ADAMTS13: variants seen among roughly 807,000 people sequenced by gnomAD.
ADAMTS13 encodes ADAM metallopeptidase with thrombospondin type 1 motif 13.
ADAMTS13 carries 110 observed loss-of-function variants against 155.1 expected under a neutral mutation model. The ratio of observed to expected loss-of-function variants is 0.71; its 90% CI spans 0.61 to 0.83. The LOEUF is 0.83. Among genes scored for constraint, ADAMTS13 ranks in the 40% least tolerant of loss-of-function variants. The pLI, the probability that ADAMTS13 is intolerant of heterozygous loss-of-function variation, is 0.00. For synonymous variants in ADAMTS13, 758 were observed against 756.4 expected (o/e 1.00, Z -0.03); for missense variants, 1,707 against 1,891.7 (o/e 0.90, Z 1.81).
chr9:133,436,951 C>T lies in ADAMTS13; in HGVS notation c.1431C>T (p.Ser477=). ...FYHWGAAVPH[S]QGDALCRHMC... Reference sequence around the variant, plus strand: ...ACTGGGGTGCTGCTGTACCACACAGCCAAGGTGGGGCCTGCGGAGTGTGGG... The same window carrying T: ...ACTGGGGTGCTGCTGTACCACACAGTCAAGGTGGGGCCTGCGGAGTGTGGG... Residue 477 remains serine, a synonymous_variant, in exon 12 of 29, where the codon AGC becomes AGT. Transcript: ENST00000355699. 6.3e-7 allele frequency: 1 copy of T among 1,597,246 alleles called. No individual in the cohort carries two copies. The highest frequency in any genetic ancestry group is 8.5e-7 in the Non-Finnish European group (1 of 1,173,494).
upstream of ADAMTS13, chr9:133,418,061 G>T: frequency 1.8e-6 from 1 of 559,366 alleles, no homozygotes; most frequent in Non-Finnish European, 3.1e-6. Context: ...CTCCACAACC[G>T]GCTGGAAACC....
chr9:133,450,439 A>C (rs1393983822), intron 23 of ADAMTS13, among the ~76,000 whole-genome samples: 2 of 152,030 alleles, frequency 1.3e-5, no homozygotes, highest in Non-Finnish European at 2.9e-5. Context: ...GTGGTGGTAC[A>C]TGCCTGTAAT....
At chr9:133,442,085 A>G (rs956779797) in intron 16 of ADAMTS13, among the ~76,000 whole-genome samples, 9 of 152,100 alleles carry the variant, frequency 5.9e-5, no homozygotes, top group African/African-American at 2.2e-4. Flanking sequence ...AGCCTGGTAC[A>G]GGTCAGTGTT....
rs281875308 is a variant in ADAMTS13, at chr9:133,458,023, C to G, written c.3838C>G (p.Arg1280Gly). ...RLFINVAPHA[R>G]IAIHALATNM... is the part of the protein sequence containing the mutation. ...CTTCATTAATGTGGCTCCGCACGCA[C>G]GGATTGCCATCCATGCCCTGGCCAC... The change falls in exon 28 of 29, where the codon CGG becomes GGG. Residue 1280 changes from arginine to glycine, a missense_variant. This residue lies in a region of ADAMTS13 where 961 missense variants were observed against 1,107.9 expected (regional missense o/e 0.87). Coordinates refer to ENST00000355699, the MANE Select transcript of ADAMTS13 (RefSeq NM_139027.6). 1 of 1,613,456 alleles carries G rather than the reference C, an allele frequency of 6.2e-7. No homozygotes were observed. Among genetic ancestry groups the G allele is most frequent in the Admixed American group, 1.7e-5 (1 of 60,026 alleles).
In ADAMTS13 at chr9:133,442,336, G is replaced by C. The variant is rs1841732692; in HGVS notation, c.1969-63G>C. The stretch of plus-strand genomic sequence containing the variant: ...AGAAGTTGGAAGGCTTCCCAGGGGA[G>C]GTGGCCATGACAGTGACCCTCAGGG... On this transcript the variant is annotated intron_variant, in intron 16 of 28. Transcript: ENST00000355699. 3 of 1,611,816 alleles carry C rather than the reference G, an allele frequency of 1.9e-6. No individual in the cohort carries two copies. The South Asian group carries it at 3.3e-5, about 18-fold the overall frequency.
chr9:133,423,073 GC>G, intron 1 of ADAMTS13, 27 bp from the exon 2 acceptor site: 1 of 1,608,954 alleles, frequency 6.2e-7, no homozygotes, highest in Non-Finnish European at 8.5e-7. Context: ...ACTATGCCCG[GC>G]CCCATCCATC....
rs1554795404 is a variant in ADAMTS13 at position 133,455,308 on chromosome 9, C to T, written c.3273C>T (p.Gly1091=). ...WMECSVSCGD[G]IQRRRDTCLG... is the part of the protein sequence containing the mutation. ...AGTGCTCTGTTTCCTGTGGGGATGG[C>T]ATCCAGCGCCGGCGTGACACCTGCC... Residue 1091 remains glycine, a synonymous_variant, in exon 25 of 29, where the codon GGC becomes GGT. Transcript: ENST00000355699. 6.2e-7 allele frequency: 1 copy of T among 1,604,066 alleles called. No individual in the cohort carries two copies. The highest frequency in any genetic ancestry group is 1.7e-5 in the Admixed American group (1 of 60,028).
At chr9:133,453,460 A>G (rs1842562659) in intron 23 of ADAMTS13, among the ~76,000 whole-genome samples, 1 of 152,122 alleles carries the variant, frequency 6.6e-6, no homozygotes, top group Admixed American at 6.5e-5. Context: ...AGCCTGGGCG[A>G]TGAGTGAGAC....
At position 133,433,664 on chromosome 9, in the gene ADAMTS13, G is replaced by T; in HGVS notation, c.1268G>T (p.Cys423Phe). Residue 423 changes from cysteine to phenylalanine, a missense_variant, in exon 11 of 29, where the codon TGT (cysteine) becomes TTT (phenylalanine). Physicochemically the swap from Cys to Phe is radical, Grantham distance 205. Transcript: ENST00000355699. ...AGACCTGCCTTTGGGGGGCGTGCAT[G>T]TGTTGGTGCTGACCTCCAGGCCGAG... ...NPRPAFGGRA[C>F]VGADLQAEMC... is the part of the protein sequence containing the mutation. 1 of 1,614,004 alleles carries T rather than the reference G, an allele frequency of 6.2e-7. No individual in the cohort carries two copies. The highest frequency in any genetic ancestry group is 8.5e-7 in the Non-Finnish European group (1 of 1,180,006).
At chr9:133,426,131 C>G in intron 5 of ADAMTS13, 68 bp from the exon 6 acceptor site, 1 of 1,613,984 alleles carries the variant, frequency 6.2e-7, no homozygotes, top group East Asian at 2.2e-5. Flanking sequence ...CTCCTGCCCT[C>G]TGCAAAGGTG....
chr9:133,418,150 C>T (rs1026825652), upstream of ADAMTS13: 33 of 424,228 alleles, frequency 7.8e-5, no homozygotes, highest in Non-Finnish European at 1.7e-5. Context: ...CCAGCGGCAT[C>T]CGGGGTCATC....
chr9:133,451,747 C>T (rs950554692), intron 23 of ADAMTS13, among the ~76,000 whole-genome samples: 11 of 151,792 alleles, frequency 7.2e-5, no homozygotes, highest in South Asian at 2.1e-4. Context: ...AAAAATTAGC[C>T]GGGCATGGTG....
chr9:133,422,211 G>C (rs913267543), upstream of ADAMTS13: 19 of 600,288 alleles, frequency 3.2e-5, no homozygotes, highest in Non-Finnish European at 5.4e-5. Flanking sequence ...CTGGGCTGCA[G>C]GTTACCCTGA....
chr9:133,451,817 G>C (rs1554794407), intron 23 of ADAMTS13, among the ~76,000 whole-genome samples: 1 of 150,030 alleles, frequency 6.7e-6, no homozygotes, highest in East Asian at 2.0e-4. Context: ...CCTGAACCTT[G>C]GGAAGTCAAG....
intron 28 of ADAMTS13, among the ~76,000 whole-genome samples, chr9:133,458,667 G>A (rs914773750): frequency 6.6e-6 from 1 of 151,506 alleles, no homozygotes; most frequent in Non-Finnish European, 1.5e-5. Flanking sequence ...GATATAACTT[G>A]GACAGAATAG....
At chr9:133,428,918 C>A (rs1248239907) in intron 7 of ADAMTS13, 147 bp downstream of exon 7, 2 of 989,010 alleles carry the variant, frequency 2.0e-6, no homozygotes, top group Non-Finnish European at 1.3e-6. Context: ...TCCGTCCAAC[C>A]CCGCGCCCAC....
intron 1 of ADAMTS13, 47 bp downstream of exon 1, chr9:133,422,595 G>C: frequency 6.2e-7 from 1 of 1,601,352 alleles, no homozygotes; most frequent in Non-Finnish European, 8.5e-7. Context: ...CCTCTGGGTG[G>C]GGTATTCTGA....
At position 133,440,239 on chromosome 9, in the gene ADAMTS13, C is replaced by T; in HGVS notation, c.1787-105C>T. 1 of 1,463,360 alleles carries T rather than the reference C, an allele frequency of 6.8e-7. No homozygotes were observed. The highest frequency in any genetic ancestry group is 9.5e-7 in the Non-Finnish European group (1 of 1,055,772). 90.6% of individuals were successfully genotyped at this position (1,463,360 alleles called of 1,614,324 possible). On this transcript the variant is annotated intron_variant, in intron 15 of 28. Transcript: ENST00000355699. The surrounding 1 kb of genome is among the most constrained non-coding windows in gnomAD (Gnocchi z 4.3). ...CCTCTAGCTCAGATGCCTGTGGCTC[C>T]TTAGAGGAGGGCTGGGGACCCCGGG...
At chr9:133,451,936 C>T (rs957357997) in intron 23 of ADAMTS13, among the ~76,000 whole-genome samples, 6 of 145,632 alleles carry the variant, frequency 4.1e-5, no homozygotes, top group East Asian at 2.0e-4. Flanking sequence ...TAAATTTAAA[C>T]CCTGTACTAA....
Sources: allele counts gnomAD v4.1 joint callset (sites outside exome capture counted in the v4.1 genomes callset), GRCh38; gene constraint gnomAD v4.1.1; regional missense constraint gnomAD v4.1.1; non-coding constraint Gnocchi (gnomAD v3.1); transcripts MANE v1.5; gene names NCBI Gene and HGNC (gene_info 2026-07-23, HGNC 2026-07-21).